PACRG: variants seen among roughly 807,000 people sequenced by gnomAD.
PACRG encodes parkin coregulated gene protein.
PACRG carries 29 observed loss-of-function variants against 29.7 expected under a neutral mutation model. That is an observed-to-expected ratio of 0.98 (90% confidence interval 0.73 to 1.33). The LOEUF is 1.33. PACRG is among the 40% of genes most tolerant of loss of function. PACRG has a pLI of 0.00. For synonymous variants in PACRG, 116 were observed against 118.7 expected (o/e 0.98, Z 0.15); for missense variants, 279 against 316.2 (o/e 0.88, Z 0.89).
intron 2 of PACRG, among the ~76,000 whole-genome samples, chr6:163,036,867 T>G (rs972030266): frequency 1.1e-4 from 6 of 56,834 alleles, no homozygotes; most frequent in Non-Finnish European, 1.9e-4. Context: ...TATCCATCCA[T>G]CCATCCATCC....
chr6:163,000,269 G>A (rs1267678408), intron 2 of PACRG, among the ~76,000 whole-genome samples: 9 of 152,274 alleles, frequency 5.9e-5, no homozygotes, highest in Non-Finnish European at 8.8e-5. Context: ...GTGCCCTCCC[G>A]CAGGTTGTGG....
At chr6:162,747,343 T>C (rs1405818891) in intron 1 of PACRG, among the ~76,000 whole-genome samples, 4 of 74,414 alleles carry the variant, frequency 5.4e-5, no homozygotes, top group African/African-American at 2.0e-4. Context: ...TATATATATA[T>C]ATATATATAT....
intron 4 of PACRG, among the ~76,000 whole-genome samples, chr6:163,235,128 A>G (rs1782185158): frequency 6.6e-6 from 1 of 152,288 alleles, no homozygotes; most frequent in South Asian, 2.1e-4. Context: ...GCCTGAAATG[A>G]GAAGGGGCTC....
At chr6:162,800,138 G>A (rs546907730) in intron 1 of PACRG, among the ~76,000 whole-genome samples, 17 of 152,226 alleles carry the variant, frequency 1.1e-4, no homozygotes, top group African/African-American at 4.1e-4. Flanking sequence ...ACAAGTTGAA[G>A]GCAAGAACTG....
chr6:163,113,215 C>T (rs1815806788), intron 4 of PACRG, among the ~76,000 whole-genome samples: 1 of 152,066 alleles, frequency 6.6e-6, no homozygotes, highest in South Asian at 2.1e-4. Context: ...AAAGAAAAAG[C>T]ATTTCTCTTT....
At chr6:162,855,169 G>A (rs942509998) in intron 2 of PACRG, among the ~76,000 whole-genome samples, 1 of 152,210 alleles carries the variant, frequency 6.6e-6, no homozygotes, top group African/African-American at 2.4e-5. Context: ...GGCGTAAGCT[G>A]GAGATAATGC....
intron 2 of PACRG, among the ~76,000 whole-genome samples, chr6:163,015,389 C>A (rs924972784): frequency 2.6e-5 from 4 of 152,070 alleles, no homozygotes; most frequent in African/African-American, 9.7e-5. Flanking sequence ...CTGTGAAAAA[C>A]GACATTTGTA....
At chr6:163,036,183 C>A (rs1394425102) in intron 2 of PACRG, among the ~76,000 whole-genome samples, 1 of 152,144 alleles carries the variant, frequency 6.6e-6, no homozygotes, top group African/African-American at 2.4e-5. Context: ...TTGAAGCATG[C>A]AAACTTATTT....
rs558470662 is a variant in PACRG, at chr6:162,996,610, A to G, written c.292-65540A>G. 1.7e-4 allele frequency among the ~76,000 whole-genome samples: 26 copies of G among 152,286 alleles called. No individual in the cohort carries two copies. In the Middle Eastern group the frequency reaches 0.01, roughly 60 times the overall value. On this transcript the variant is annotated intron_variant, in intron 2 of 4. Transcript: ENST00000366888. ...ATATTATATAACAATTTAAAATAATATATTAACAAAATGAAGTACTCATGC... is the reference window on the plus strand; with the variant it reads ...ATATTATATAACAATTTAAAATAATGTATTAACAAAATGAAGTACTCATGC...
chr6:162,770,621 G>C (rs915058781), intron 1 of PACRG, among the ~76,000 whole-genome samples: 1 of 152,054 alleles, frequency 6.6e-6, no homozygotes. Flanking sequence ...CCTCATTTCT[G>C]TTTGATTATT....
chr6:162,800,925 G>A (rs1785800450), intron 1 of PACRG, among the ~76,000 whole-genome samples: 1 of 152,104 alleles, frequency 6.6e-6, no homozygotes, highest in Non-Finnish European at 1.5e-5. Flanking sequence ...CATTTTACAG[G>A]AGGCTGAGGC....
chr6:162,814,516 T>A (rs1787161571), intron 2 of PACRG, among the ~76,000 whole-genome samples: 1 of 152,196 alleles, frequency 6.6e-6, no homozygotes, highest in Non-Finnish European at 1.5e-5. Context: ...GAGAGTTGTC[T>A]GCTGCCCAAT....
chr6:163,312,213 G>C (rs1055755486), intron 4 of PACRG, among the ~76,000 whole-genome samples: 3 of 152,082 alleles, frequency 2.0e-5, no homozygotes, highest in African/African-American at 4.8e-5. Flanking sequence ...TATAATTTGG[G>C]GAGAAGGGGC....
At chr6:163,271,643 A>G (rs1783836197) in intron 4 of PACRG, among the ~76,000 whole-genome samples, 2 of 152,246 alleles carry the variant, frequency 1.3e-5, no homozygotes, top group South Asian at 4.1e-4. Flanking sequence ...TGACGCATGT[A>G]TATCAATTAA....
chr6:163,115,354 T>C (rs1191965034), intron 4 of PACRG, among the ~76,000 whole-genome samples: 1 of 152,148 alleles, frequency 6.6e-6, no homozygotes, highest in Non-Finnish European at 1.5e-5. Context: ...AGAGAGCTAC[T>C]TTATGCTTTA....
At chr6:162,775,428 A>G (rs1383778689) in intron 1 of PACRG, among the ~76,000 whole-genome samples, 7 of 152,340 alleles carry the variant, frequency 4.6e-5, no homozygotes, top group Non-Finnish European at 8.8e-5. Flanking sequence ...AGAGGTATAT[A>G]CTTATCCATT....
chr6:162,821,087 T>C (rs1787805302), intron 2 of PACRG, among the ~76,000 whole-genome samples: 1 of 152,214 alleles, frequency 6.6e-6, no homozygotes, highest in Admixed American at 6.5e-5. Flanking sequence ...GAAATAACTT[T>C]TATTTAAATT....
chr6:162,727,813 G>C, upstream of PACRG: 1 of 826,172 alleles, frequency 1.2e-6, no homozygotes, highest in South Asian at 1.6e-5. Flanking sequence ...GCGCACGCGC[G>C]GAGGGCGCGG....
At chr6:162,890,663 G>A (rs182182037) in intron 2 of PACRG, among the ~76,000 whole-genome samples, 183 of 152,214 alleles carry the variant, frequency 1.2e-3, no homozygotes, top group African/African-American at 4.2e-3. Context: ...AGGAGACCCC[G>A]CACTGTACCT....
Sources: allele counts gnomAD v4.1 joint callset (sites outside exome capture counted in the v4.1 genomes callset), GRCh38; gene constraint gnomAD v4.1.1; transcripts MANE v1.5; gene names NCBI Gene and HGNC (gene_info 2026-07-23, HGNC 2026-07-21).